Variants in MAML2 observed in about 807,000 individuals in gnomAD.
MAML2 encodes the protein mastermind like transcriptional coactivator 2.
Under a neutral mutation model 96.1 loss-of-function variants are expected in MAML2, and 22 were observed. The observed-to-expected ratio is 0.23, with a 90% CI of 0.16 to 0.33. MAML2 has a LOEUF of 0.33. MAML2 is among the 10% of genes least tolerant of loss of function. The pLI is 1.00. For synonymous variants in MAML2, 561 were observed against 521.3 expected (o/e 1.08, Z -1.04); for missense variants, 1,367 against 1,392.4 (o/e 0.98, Z 0.29).
intron 1 of MAML2, among the ~76,000 whole-genome samples, chr11:96,325,857 T>C (rs752418679): frequency 1.3e-5 from 2 of 152,148 alleles, no homozygotes; most frequent in Non-Finnish European, 2.9e-5. Flanking sequence ...AAAAGACCAC[T>C]GTGCAGGCAG....
At chr11:96,312,219 C>CAAAAAAA (rs34658278) in intron 1 of MAML2, among the ~76,000 whole-genome samples, 2,676 of 51,492 alleles carry the variant, frequency 0.052, 365 homozygotes, top group African/African-American at 0.11. Context: ...GACTCTATCT[C>CAAAAAAA]AAAAAAAAAA....
At position 96,123,941 on chromosome 11, in the gene MAML2, G is replaced by A. The variant is rs140423131; in HGVS notation, c.514-30424C>T. On this transcript the variant is annotated intron_variant, in intron 1 of 4. Coordinates refer to ENST00000524717, the MANE Select transcript of MAML2 (RefSeq NM_032427.4). Reference sequence around the variant, plus strand: ...AAAAATTAGCCGGGCATGGTGGCACGCACCTGTAATCCTAGCTACTCGGGA... The same window carrying A: ...AAAAATTAGCCGGGCATGGTGGCACACACCTGTAATCCTAGCTACTCGGGA... Among the ~76,000 whole-genome samples, 1,494 of 151,924 alleles carry A rather than the reference G, an allele frequency of 9.8e-3. 16 individuals carry two copies. The highest frequency in any genetic ancestry group is 0.028 in the South Asian group (135 of 4,802).
At chr11:96,250,929 A>G (rs1862573754) in intron 1 of MAML2, among the ~76,000 whole-genome samples, 1 of 152,236 alleles carries the variant, frequency 6.6e-6, no homozygotes, top group African/African-American at 2.4e-5. Flanking sequence ...ACCTGCAGGA[A>G]GAACTATAAT....
intron 1 of MAML2, among the ~76,000 whole-genome samples, chr11:96,255,815 T>C (rs1862657895): frequency 6.6e-6 from 1 of 151,736 alleles, no homozygotes; most frequent in Non-Finnish European, 1.5e-5. Flanking sequence ...GGACAGCTTA[T>C]TGCTTATTGT....
At chr11:96,070,249 C>T (rs914800793) in intron 2 of MAML2, among the ~76,000 whole-genome samples, 1 of 152,030 alleles carries the variant, frequency 6.6e-6, no homozygotes, top group Non-Finnish European at 1.5e-5. Flanking sequence ...GAGATGGCGC[C>T]ACTGCACTCC....
chr11:96,110,685 G>A (rs1238829231), intron 1 of MAML2, among the ~76,000 whole-genome samples: 5 of 84,948 alleles, frequency 5.9e-5, no homozygotes, highest in Admixed American at 1.4e-4. Context: ...ATAAATATAC[G>A]TATATGGCAA....
rs376996564 is a variant in MAML2, at chr11:96,270,862, TC to T, written c.513+70520del. On this transcript the variant is annotated intron_variant, in intron 1 of 4. Coordinates refer to ENST00000524717, the MANE Select transcript of MAML2 (RefSeq NM_032427.4). ...TTGCCAAAGGAGATTAACATTTGAG[TC>T]AGTGGATCGGGAAAGGCAGACCCAC... Among the ~76,000 whole-genome samples, 32 of 152,200 alleles carry T rather than the reference TC, an allele frequency of 2.1e-4. 1 individual carries two copies. Among genetic ancestry groups the T allele is most frequent in the African/African-American group, 5.8e-4 (24 of 41,538 alleles).
chr11:96,079,980 T>A (rs1859507002), intron 2 of MAML2, among the ~76,000 whole-genome samples: 1 of 152,130 alleles, frequency 6.6e-6, no homozygotes, highest in Admixed American at 6.5e-5. Flanking sequence ...ACAGAGCTGT[T>A]AGATGGTATG....
Position 96,291,420 on chromosome 11 carries a change from C to A in MAML2, c.513+49963G>T, listed in dbSNP as rs573789085. On this transcript the variant is annotated intron_variant, in intron 1 of 4. Transcript: ENST00000524717. ...GGGATTACAGGCATGAGCCACTGCGCCCGGCCTTCATAAGCCTTTGTTTAT... is the reference window on the plus strand; with the variant it reads ...GGGATTACAGGCATGAGCCACTGCGACCGGCCTTCATAAGCCTTTGTTTAT... 7.2e-5 allele frequency among the ~76,000 whole-genome samples: 11 copies of A among 152,248 alleles called. No homozygotes were observed. In the South Asian group the frequency reaches 1.5e-3, roughly 20 times the overall value.
chr11:96,307,902 T>G (rs926347031), intron 1 of MAML2, among the ~76,000 whole-genome samples: 1 of 152,130 alleles, frequency 6.6e-6, no homozygotes, highest in African/African-American at 2.4e-5. Flanking sequence ...CCCAAGGGAA[T>G]GAATGGCCTA....
At chr11:95,993,685 T>TAACTA (rs1222865443) in intron 2 of MAML2, among the ~76,000 whole-genome samples, 2 of 152,202 alleles carry the variant, frequency 1.3e-5, no homozygotes, top group East Asian at 3.8e-4. Flanking sequence ...TCTCTTTCTT[T>TAACTA]AACTATGTGC....
At chr11:96,203,445 A>G (rs1480179440) in intron 1 of MAML2, among the ~76,000 whole-genome samples, 1 of 152,222 alleles carries the variant, frequency 6.6e-6, no homozygotes, top group African/African-American at 2.4e-5. Flanking sequence ...AATGTGCAAA[A>G]TGTTTGTTGT....
At position 96,093,271 on chromosome 11, in the gene MAML2, C is replaced by G; in HGVS notation, c.760G>C (p.Gly254Arg). ...AAGCCCATGTTAAACAGGCCATTGC[C>G]AGGAGAATGTGTATGGGATGGCAGA... Reference protein sequence around the residue: ...NTLPSHTHSPGNGLFNMGLKE... With the variant: ...NTLPSHTHSPRNGLFNMGLKE... Residue 254 changes from glycine to arginine, a missense_variant, in exon 2 of 5, where the codon GGC becomes CGC. Coordinates refer to ENST00000524717, the MANE Select transcript of MAML2 (RefSeq NM_032427.4). 3 of 1,614,018 alleles carry G rather than the reference C, an allele frequency of 1.9e-6. No individual in the cohort carries two copies. The highest frequency in any genetic ancestry group is 1.7e-6 in the Non-Finnish European group (2 of 1,179,880).
intron 1 of MAML2, among the ~76,000 whole-genome samples, chr11:96,211,721 GA>G (rs1177819461): frequency 6.6e-6 from 1 of 152,174 alleles, no homozygotes. Context: ...GGAGCAGATG[GA>G]AAGGGGTTGG....
At chr11:96,100,299 T>A (rs773980322) in intron 1 of MAML2, among the ~76,000 whole-genome samples, 2 of 152,038 alleles carry the variant, frequency 1.3e-5, no homozygotes, top group Non-Finnish European at 2.9e-5. Context: ...TTATTGTTGT[T>A]GTTGTTTTTC....
At chr11:96,320,066 G>A (rs1210551825) in intron 1 of MAML2, among the ~76,000 whole-genome samples, 2 of 152,184 alleles carry the variant, frequency 1.3e-5, no homozygotes, top group Non-Finnish European at 2.9e-5. Context: ...TGCCATGCTG[G>A]CCAGAAAGAT....
At position 96,342,373 on chromosome 11, in the gene MAML2, A is replaced by G. The variant is rs1864010537; in HGVS notation, c.-478T>C. 2.5e-6 allele frequency: 1 copy of G among 399,854 alleles called. No individual in the cohort carries two copies. The highest frequency in any genetic ancestry group is 2.1e-5 in the African/African-American group (1 of 48,740). The allele number at this position is 399,854 out of a possible 1,614,324, so 24.8% of individuals were successfully genotyped here. On this transcript the variant is annotated 5_prime_UTR_variant, in exon 1 of 5. It removes the in-frame stop codon of an upstream open reading frame in the 5' UTR. Coordinates refer to ENST00000524717, the MANE Select transcript of MAML2 (RefSeq NM_032427.4). Reference sequence around the variant, plus strand: ...ACCTAGTTGTTTCCGACAATTCTTTATGGGGATGTTTCTGCAGAGAAACAC... The same window carrying G: ...ACCTAGTTGTTTCCGACAATTCTTTGTGGGGATGTTTCTGCAGAGAAACAC...
At chr11:96,068,540 CT>C (rs764518407) in intron 2 of MAML2, among the ~76,000 whole-genome samples, 4 of 151,260 alleles carry the variant, frequency 2.6e-5, no homozygotes, top group Non-Finnish European at 5.9e-5. Flanking sequence ...CTTAATTGGT[CT>C]TGGGTAAGCC....
chr11:96,105,536 G>A lies in MAML2; in HGVS notation c.514-12019C>T, dbSNP rs79672147. Among the ~76,000 whole-genome samples the A allele has an allele frequency of 5.0e-3, 766 of 152,330 alleles. 4 individuals are homozygous for A. Among genetic ancestry groups the A allele is most frequent in the Non-Finnish European group, 5.6e-3 (381 of 68,016 alleles). ...TAACTCCATTACAAAGGAATGTTAA[G>A]CAGCATTTAGAAGGTAGTTTGGCAA... On this transcript the variant is annotated intron_variant, in intron 1 of 4. Transcript: ENST00000524717.
Sources: allele counts gnomAD v4.1 joint callset (sites outside exome capture counted in the v4.1 genomes callset), GRCh38; gene constraint gnomAD v4.1.1; transcripts MANE v1.5; gene names NCBI Gene and HGNC (gene_info 2026-07-23, HGNC 2026-07-21).